RNF216: variants seen among roughly 807,000 people sequenced by gnomAD.
The protein encoded by RNF216 is ring finger protein 216, also known as E3 ubiquitin-protein ligase RNF216.
RNF216 carries 72 observed loss-of-function variants against 110.8 expected under a neutral mutation model. The observed-to-expected ratio is 0.65, with a 90% CI of 0.54 to 0.79. The LOEUF (loss-of-function observed/expected upper bound fraction) is 0.79. Ranked by LOEUF, RNF216 falls within the 30% of genes least tolerant of loss-of-function variation. The pLI is 0.00. For missense variants in RNF216, 1,342 were observed against 1,141.2 expected, an observed-to-expected ratio of 1.18 and a Z score of -2.54; for synonymous variants, 495 against 407.5, an observed-to-expected ratio of 1.21 and a Z score of -2.59.
intron 1 of RNF216, among the ~76,000 whole-genome samples, chr7:5,771,704 G>A (rs979265061): frequency 6.6e-6 from 1 of 152,148 alleles, no homozygotes; most frequent in African/African-American, 2.4e-5. Context: ...GGCTGAGGTG[G>A]GAAGATCTCT....
chr7:5,657,937 T>C (rs1452317987), intron 13 of RNF216, among the ~76,000 whole-genome samples: 1 of 152,194 alleles, frequency 6.6e-6, no homozygotes, highest in South Asian at 2.1e-4. Context: ...AGAATGCACA[T>C]AACAGCCGAA....
intron 14 of RNF216, among the ~76,000 whole-genome samples, chr7:5,643,624 C>A (rs945029457): frequency 6.6e-6 from 1 of 152,152 alleles, no homozygotes. Context: ...GATCTCAGCC[C>A]GTCCCCTTTG....
chr7:5,644,326 A>T (rs1010674680), intron 14 of RNF216, among the ~76,000 whole-genome samples: 1 of 151,944 alleles, frequency 6.6e-6, no homozygotes. Context: ...TTTTTTCTAT[A>T]TCTCTGTCAA....
At chr7:5,663,338 T>C (rs1789273375) in intron 13 of RNF216, among the ~76,000 whole-genome samples, 2 of 152,070 alleles carry the variant, frequency 1.3e-5, no homozygotes, top group Non-Finnish European at 2.9e-5. Context: ...CCCAGCACTT[T>C]GGGAGGCCGA....
chr7:5,649,145 G>A (rs959529797), intron 14 of RNF216, among the ~76,000 whole-genome samples: 2 of 152,196 alleles, frequency 1.3e-5, no homozygotes, highest in Non-Finnish European at 2.9e-5. Context: ...ACTTTGGGAG[G>A]CTGAGGTGGG....
chr7:5,717,834 G>A (rs957615084), intron 9 of RNF216, among the ~76,000 whole-genome samples: 1 of 152,116 alleles, frequency 6.6e-6, no homozygotes, highest in Non-Finnish European at 1.5e-5. Flanking sequence ...CCAGGCTGGA[G>A]TGCAGTGGTG....
At chr7:5,626,668 G>C (rs1330513639) in intron 15 of RNF216, among the ~76,000 whole-genome samples, 1 of 147,492 alleles carries the variant, frequency 6.8e-6, no homozygotes, top group Non-Finnish European at 1.5e-5. Flanking sequence ...TGAAACTTGT[G>C]TTAAAAAAAA....
intron 1 of RNF216, among the ~76,000 whole-genome samples, chr7:5,776,025 C>T (rs1796755697): frequency 6.6e-6 from 1 of 152,084 alleles, no homozygotes. Context: ...AGTTGCTCAT[C>T]CTAACCATTC....
At chr7:5,772,577 T>G (rs1796553288) in intron 1 of RNF216, among the ~76,000 whole-genome samples, 1 of 152,164 alleles carries the variant, frequency 6.6e-6, no homozygotes, top group South Asian at 2.1e-4. Context: ...GAAACCACTG[T>G]GCCTCAGAGG....
chr7:5,747,581 G>A (rs1795092319), intron 3 of RNF216, among the ~76,000 whole-genome samples: 1 of 151,788 alleles, frequency 6.6e-6, no homozygotes, highest in African/African-American at 2.4e-5. Flanking sequence ...GGTTTTGTCT[G>A]TTTTTTAAAA....
chr7:5,692,846 G>T (rs1057067320), intron 13 of RNF216, among the ~76,000 whole-genome samples: 1 of 152,160 alleles, frequency 6.6e-6, no homozygotes, highest in African/African-American at 2.4e-5. Context: ...ATGACAATGG[G>T]TATACAATGT....
intron 3 of RNF216, among the ~76,000 whole-genome samples, chr7:5,742,881 G>T (rs761547211): frequency 5.9e-5 from 9 of 152,008 alleles, no homozygotes; most frequent in Non-Finnish European, 1.0e-4. Context: ...CAGGTGTGGG[G>T]CACCGCGCTT....
intron 13 of RNF216, among the ~76,000 whole-genome samples, chr7:5,653,455 G>A (rs1788522285): frequency 6.6e-6 from 1 of 151,770 alleles, no homozygotes; most frequent in Non-Finnish European, 1.5e-5. Context: ...AAAAAAATTA[G>A]CTGGGCGTGG....
At chr7:5,656,952 C>T (rs1788783923) in intron 13 of RNF216, among the ~76,000 whole-genome samples, 1 of 152,164 alleles carries the variant, frequency 6.6e-6, no homozygotes, top group African/African-American at 2.4e-5. Flanking sequence ...GGTCTGTTGG[C>T]AAAGAATCCA....
chr7:5,735,546 G>A (rs1794345837), intron 5 of RNF216, among the ~76,000 whole-genome samples: 2 of 150,754 alleles, frequency 1.3e-5, no homozygotes, highest in Admixed American at 6.6e-5. Flanking sequence ...CACGGTAGAT[G>A]AGTTAAAAGG....
At chr7:5,727,391 A>G (rs1292432262) in intron 7 of RNF216, among the ~76,000 whole-genome samples, 7 of 152,156 alleles carry the variant, frequency 4.6e-5, no homozygotes, top group Non-Finnish European at 8.8e-5. Context: ...GGCCAAGTCT[A>G]TAAGTCTACC....
At chr7:5,717,141 A>G (rs531593249) in intron 9 of RNF216, among the ~76,000 whole-genome samples, 1 of 152,154 alleles carries the variant, frequency 6.6e-6, no homozygotes, top group African/African-American at 2.4e-5. Context: ...ATCACCTGAG[A>G]TCAGGAGTTC....
chr7:5,766,528 C>G (rs1232579874), intron 1 of RNF216, among the ~76,000 whole-genome samples: 1 of 152,222 alleles, frequency 6.6e-6, no homozygotes, highest in South Asian at 2.1e-4. Context: ...CTTTTTCTCT[C>G]CATCATGTGA....
chr7:5,755,519 C>T (rs942605661), intron 2 of RNF216, among the ~76,000 whole-genome samples: 25 of 152,186 alleles, frequency 1.6e-4, no homozygotes, highest in African/African-American at 5.8e-4. Flanking sequence ...AATTTCTGCT[C>T]TCCTTCGTCC....
Sources: allele counts gnomAD v4.1 joint callset (sites outside exome capture counted in the v4.1 genomes callset), GRCh38; gene constraint gnomAD v4.1.1; transcripts MANE v1.5; gene names NCBI Gene and HGNC (gene_info 2026-07-23, HGNC 2026-07-21).